LPP: variants seen among roughly 807,000 people sequenced by gnomAD.
LPP encodes LIM domain containing preferred translocation partner in lipoma.
A neutral mutation model predicts 60.4 loss-of-function variants in LPP; 38 were observed. That is an observed-to-expected ratio of 0.63 (90% CI 0.49 to 0.83). LPP has a LOEUF of 0.83. Ranked by LOEUF, LPP falls within the 40% of genes least tolerant of loss-of-function variation. The probability of loss-of-function intolerance (pLI) is 0.00; values close to 1 mark genes in which losing one functional copy is unlikely to be tolerated. For missense variants in LPP, 902 were observed against 783.6 expected (o/e 1.15, Z -1.80); for synonymous variants, 328 against 290.8 (o/e 1.13, Z -1.30).
Position 188,406,144 on chromosome 3 carries a change from A to G in LPP, c.24A>G (p.Pro8=), listed in dbSNP as rs1280238617. The change falls in exon 4 of 12, where the codon CCA becomes CCG. Residue 8 remains proline, a synonymous_variant. Transcript: ENST00000617246. MSHPSWL[P]PKSTGEPLGH... Reference sequence around the variant, plus strand: ...CAATGTCTCACCCATCTTGGCTGCCACCCAAAAGCACTGGTGAGCCCCTCG... The same window carrying G: ...CAATGTCTCACCCATCTTGGCTGCCGCCCAAAAGCACTGGTGAGCCCCTCG... The G allele has an allele frequency of 6.2e-7, 1 of 1,612,988 alleles. No individual in the cohort carries two copies.
intron 6 of LPP, among the ~76,000 whole-genome samples, chr3:188,593,978 T>A (rs549732303): frequency 6.6e-6 from 1 of 152,126 alleles, no homozygotes; most frequent in Non-Finnish European, 1.5e-5. Flanking sequence ...GATTGCTGGA[T>A]CAAATGGTAA....
Position 188,702,008 on chromosome 3 carries a change from G to T in LPP, c.1114-6259G>T, listed in dbSNP as rs1199956501. Among the ~76,000 whole-genome samples the T allele has an allele frequency of 3.4e-5, 4 of 117,780 alleles. No homozygotes were observed. In the Admixed American group the frequency reaches 4.7e-4, roughly 14 times the overall value. The allele number at this position is 117,780 out of a possible 152,430, so 77.3% of individuals were successfully genotyped here. The stretch of plus-strand genomic sequence containing the variant: ...TCTGTCGCCCAGGCTGGAATGCAAT[G>T]ATGTGATCTGGGCTCACTGCAACCT... On this transcript the variant is annotated intron_variant, in intron 7 of 11. Coordinates refer to ENST00000617246, the MANE Select transcript of LPP (RefSeq NM_001375462.1).
At chr3:188,702,209 G>A (rs1254495107) in intron 7 of LPP, among the ~76,000 whole-genome samples, 1 of 151,910 alleles carries the variant, frequency 6.6e-6, no homozygotes, top group Admixed American at 6.6e-5. Flanking sequence ...GCCTCCCTCA[G>A]CCTCCCAAAG....
chr3:188,451,803 A>C (rs2149354299), intron 4 of LPP, among the ~76,000 whole-genome samples: 1 of 152,348 alleles, frequency 6.6e-6, no homozygotes, highest in East Asian at 1.9e-4. Context: ...TAATGTGTGC[A>C]GAGATCCACA....
chr3:188,771,556 A>C (rs1735990019), intron 9 of LPP, among the ~76,000 whole-genome samples: 1 of 111,268 alleles, frequency 9.0e-6, no homozygotes. Context: ...TCTCAAAAAA[A>C]AAAAAAAAAA....
chr3:188,770,168 CTTTTTTTTT>C (rs57278260), intron 9 of LPP, among the ~76,000 whole-genome samples: 4 of 64,628 alleles, frequency 6.2e-5, no homozygotes, highest in African/African-American at 2.1e-4. Context: ...AGTTATAATT[CTTTTTTTTT>C]TTTTTTTTTT....
In LPP at chr3:188,883,754, A is replaced by AAAAT; in HGVS notation, c.*9275_*9276insAAAT. On this transcript the variant is annotated 3_prime_UTR_variant, in exon 12 of 12. Coordinates refer to ENST00000617246, the MANE Select transcript of LPP (RefSeq NM_001375462.1). Reference sequence around the variant, plus strand: ...TCTCAAAAAAAAAAAAAAAAAAAAAAGGTTGGGAAATATTGGTGTATAATC... The same window carrying AAAAT: ...TCTCAAAAAAAAAAAAAAAAAAAAAAAAATGGTTGGGAAATATTGGTGTATAATC... 5.6e-6 allele frequency: 1 copy of AAAAT among 177,236 alleles called. No individual in the cohort carries two copies. Among genetic ancestry groups the AAAAT allele is most frequent in the Non-Finnish European group, 1.2e-5 (1 of 82,594 alleles). 11.0% of individuals were successfully genotyped at this position (177,236 alleles called of 1,614,324 possible). A position where few individuals can be genotyped will look rare whatever the true frequency, so the allele number is the denominator to read the frequency against.
intron 5 of LPP, among the ~76,000 whole-genome samples, chr3:188,520,661 C>G (rs1056485998): frequency 1.2e-4 from 19 of 152,186 alleles, no homozygotes; most frequent in Non-Finnish European, 2.4e-4. Context: ...AAATGGCCAA[C>G]ATGCGAGCTT....
intron 4 of LPP, among the ~76,000 whole-genome samples, chr3:188,441,036 G>T (rs527437075): frequency 6.6e-5 from 10 of 151,678 alleles, no homozygotes; most frequent in Admixed American, 2.6e-4. Flanking sequence ...ATGTGTGTGT[G>T]TGTGTGTGTG....
intron 6 of LPP, among the ~76,000 whole-genome samples, chr3:188,576,386 T>G (rs1392538452): frequency 2.0e-5 from 3 of 152,232 alleles, no homozygotes; most frequent in African/African-American, 7.2e-5. Flanking sequence ...GAATGTTGAG[T>G]GGTTCATTCT....
chr3:188,745,156 GT>G (rs1395164897), intron 8 of LPP, among the ~76,000 whole-genome samples: 1 of 151,990 alleles, frequency 6.6e-6, no homozygotes, highest in Non-Finnish European at 1.5e-5. Flanking sequence ...TTTCTGTGTG[GT>G]TCTCTAACAG....
intron 6 of LPP, among the ~76,000 whole-genome samples, chr3:188,582,154 C>CTTTTTTTTTTTTTT (rs10565240): frequency 3.2e-4 from 33 of 102,248 alleles, no homozygotes; most frequent in African/African-American, 5.6e-4. Context: ...TTTTCTTTTT[C>CTTTTTTTTTTTTTT]TTTTTTTTTT....
intron 6 of LPP, among the ~76,000 whole-genome samples, chr3:188,563,460 A>ATATATGTGTGTGTGTGTG (rs373067080): frequency 7.0e-6 from 1 of 141,938 alleles, no homozygotes; most frequent in Admixed American, 7.1e-5. Context: ...TTACATATAT[A>ATATATGTGTGTGTGTGTG]TGTGTGTGTG....
At chr3:188,474,690 C>T (rs1294162733) in intron 4 of LPP, among the ~76,000 whole-genome samples, 1 of 152,112 alleles carries the variant, frequency 6.6e-6, no homozygotes, top group East Asian at 1.9e-4. Context: ...TTGTTGTTTT[C>T]CTGGGATGTT....
chr3:188,359,682 A>C (rs756643570), intron 3 of LPP, among the ~76,000 whole-genome samples: 8 of 152,142 alleles, frequency 5.3e-5, no homozygotes, highest in African/African-American at 1.9e-4. Flanking sequence ...CAGTGAATCC[A>C]GAGTGGCTTG....
chr3:188,512,422 C>T lies in LPP; in HGVS notation c.307-12243C>T, dbSNP rs142048340. ...ACAAAATTAGCCAGGCGTGTTGGCA[C>T]GCACTTGTAATCCTAGCTACTCGGG... On this transcript the variant is annotated intron_variant, in intron 5 of 11. Coordinates refer to ENST00000617246, the MANE Select transcript of LPP (RefSeq NM_001375462.1). Among the ~76,000 whole-genome samples, 384 of 152,096 alleles carry T rather than the reference C, an allele frequency of 2.5e-3. 3 individuals carry two copies. The highest frequency in any genetic ancestry group is 8.6e-3 in the African/African-American group (357 of 41,490).
chr3:188,678,968 G>A (rs1044294583), intron 7 of LPP, among the ~76,000 whole-genome samples: 1 of 152,178 alleles, frequency 6.6e-6, no homozygotes, highest in Admixed American at 6.5e-5. Flanking sequence ...CTGGTTGAGT[G>A]GATTGAATGA....
intron 1 of LPP, among the ~76,000 whole-genome samples, chr3:188,206,745 A>G (rs1198482135): frequency 2.0e-5 from 3 of 152,204 alleles, no homozygotes; most frequent in Admixed American, 6.5e-5. Context: ...TGAGTTTGCT[A>G]TGTGAAGCAG....
At chr3:188,265,962 C>T (rs901931125) in intron 2 of LPP, among the ~76,000 whole-genome samples, 1 of 151,564 alleles carries the variant, frequency 6.6e-6, no homozygotes, top group Admixed American at 6.6e-5. Flanking sequence ...CTTAGGCAAC[C>T]TTAACTCTGG....
Sources: allele counts gnomAD v4.1 joint callset (sites outside exome capture counted in the v4.1 genomes callset), GRCh38; gene constraint gnomAD v4.1.1; transcripts MANE v1.5; gene names NCBI Gene and HGNC (gene_info 2026-07-23, HGNC 2026-07-21).